The following HECTD4 variants were observed in gnomAD, a reference collection of about 807,000 sequenced individuals.
HECTD4 encodes the protein probable E3 ubiquitin-protein ligase HECTD4.
In HECTD4, 114 loss-of-function variants were observed where a neutral mutation model predicts 471.5. The observed-to-expected ratio is 0.24, with a 90% CI of 0.21 to 0.28. The LOEUF is 0.28. Among genes scored for constraint, HECTD4 ranks in the 10% least tolerant of loss-of-function variants. The pLI is 1.00. For missense variants in HECTD4, 3,866 were observed against 5,651.5 expected, an observed-to-expected ratio of 0.68 and a Z score of 10.13; for synonymous variants, 2,012 against 2,256.0, an observed-to-expected ratio of 0.89 and a Z score of 3.07.
At chr12:112,200,363 G>A (rs914379555) in intron 55 of HECTD4, among the ~76,000 whole-genome samples, 2 of 151,906 alleles carry the variant, frequency 1.3e-5, no homozygotes, top group South Asian at 2.1e-4. Flanking sequence ...CAGGTTGGCC[G>A]GGCTGGTCTC....
chr12:112,228,774 A>G lies in HECTD4; in HGVS notation c.6557T>C (p.Val2186Ala), dbSNP rs1374807867. 2 of 1,613,632 alleles carry G rather than the reference A, an allele frequency of 1.2e-6. No homozygotes were observed. Among genetic ancestry groups the G allele is most frequent in the African/African-American group, 1.3e-5 (1 of 74,912 alleles). The change falls in exon 42 of 76, where the codon GTG becomes GCG. Residue 2186 changes from valine (V) to alanine (A), a missense_variant. By Grantham distance (64) the Val-to-Ala change is moderately conservative (BLOSUM62 0). Around this residue, in one of 16 missense-constraint regions of HECTD4, gnomAD observed 617 missense variants for 915.1 expected, o/e 0.67. Transcript: ENST00000682272. This position sits in a 1 kb window ranked among gnomAD's most constrained non-coding sequence, Gnocchi z 4.9. Reference sequence around the variant, plus strand: ...ACCTTCCTGTTCATTGATAGAAGCCACTACTCCAATGCTTCCTGAAATTCC... The same window carrying G: ...ACCTTCCTGTTCATTGATAGAAGCCGCTACTCCAATGCTTCCTGAAATTCC... The part of the protein sequence containing the change: ...GRGISGSIGV[V>A]ASINEQEGIA...
At chr12:112,247,250 T>C (rs1687088043) in intron 28 of HECTD4, among the ~76,000 whole-genome samples, 174 bp from the exon 29 acceptor site, 1 of 152,230 alleles carries the variant, frequency 6.6e-6, no homozygotes, top group Non-Finnish European at 1.5e-5. Flanking sequence ...TTAGAAACTC[T>C]GGCCACTTCT....
intron 6 of HECTD4, among the ~76,000 whole-genome samples, chr12:112,306,767 G>A (rs183698759): frequency 3.4e-4 from 52 of 152,262 alleles, no homozygotes; most frequent in Middle Eastern, 6.8e-3. Context: ...GAAAAGCTGA[G>A]AAGAGGGAGA....
In HECTD4 at chr12:112,314,543, T is replaced by G. The variant is rs779254266; in HGVS notation, c.699A>C (p.Gly233=). 4.0e-6 allele frequency: 6 copies of G among 1,492,710 alleles called. No individual in the cohort carries two copies. In the South Asian group the frequency reaches 7.2e-5, roughly 18 times the overall value. The allele number at this position is 1,492,710 out of a possible 1,614,324, so 92.5% of individuals were successfully genotyped here. A position where few individuals can be genotyped will look rare whatever the true frequency, so the allele number is the denominator to read the frequency against. The part of the protein sequence containing the change: ...AALVALACAR[G]SLKTFVHTVH... ...CTGTGTGGACGAAAGTTTTCAATGATCCCCTAAAAATAAAAGGAAGGAACA... is the reference window on the plus strand; with the variant it reads ...CTGTGTGGACGAAAGTTTTCAATGAGCCCCTAAAAATAAAAGGAAGGAACA... Residue 233 remains glycine (G), a synonymous_variant, in exon 3 of 76, where the codon GGA becomes GGC. Coordinates refer to ENST00000682272, the MANE Select transcript of HECTD4 (RefSeq NM_001388303.1).
intron 8 of HECTD4, 130 bp downstream of exon 8, chr12:112,282,980 G>C: frequency 3.3e-6 from 2 of 603,436 alleles, no homozygotes; most frequent in Non-Finnish European, 5.4e-6. Flanking sequence ...GCTGGACAAT[G>C]ACTGGAAGAC....
At chr12:112,332,952 A>G (rs2035872959) in intron 1 of HECTD4, among the ~76,000 whole-genome samples, 1 of 152,164 alleles carries the variant, frequency 6.6e-6, no homozygotes, top group African/African-American at 2.4e-5. Flanking sequence ...ATGGAATCAT[A>G]TTATGTGAGG....
chr12:112,270,721 A>G (rs1286425152), intron 11 of HECTD4, among the ~76,000 whole-genome samples: 1 of 152,184 alleles, frequency 6.6e-6, no homozygotes, highest in Non-Finnish European at 1.5e-5. Flanking sequence ...AATGCTTTAC[A>G]TGGTTCTCAA....
intron 1 of HECTD4, among the ~76,000 whole-genome samples, chr12:112,370,746 C>T (rs2036650110): frequency 6.6e-6 from 1 of 151,668 alleles, no homozygotes; most frequent in South Asian, 2.1e-4. Context: ...CTGTTATTTC[C>T]GTTTTGTCAA....
At chr12:112,183,519 C>T (rs1013745781) in intron 61 of HECTD4, among the ~76,000 whole-genome samples, 5 of 152,166 alleles carry the variant, frequency 3.3e-5, no homozygotes, top group African/African-American at 1.2e-4. Flanking sequence ...TACTCTGATT[C>T]CCAGGGAGGA....
chr12:112,186,922 C>T (rs941901739), intron 60 of HECTD4, among the ~76,000 whole-genome samples: 1 of 152,056 alleles, frequency 6.6e-6, no homozygotes, highest in African/African-American at 2.4e-5. Flanking sequence ...TGTGCCTCAG[C>T]CTCCCAAAGT....
intron 1 of HECTD4, among the ~76,000 whole-genome samples, chr12:112,371,791 C>T (rs2036677437): frequency 6.8e-6 from 1 of 146,884 alleles, no homozygotes; most frequent in Non-Finnish European, 1.5e-5. Context: ...AAGGCTGAGG[C>T]AGGAGAATCG....
In HECTD4 at chr12:112,213,333, G is replaced by A. The variant is rs531162883; in HGVS notation, c.7466-683C>T. On this transcript the variant is annotated intron_variant, in intron 48 of 75. Coordinates refer to ENST00000682272, the MANE Select transcript of HECTD4 (RefSeq NM_001388303.1). The surrounding 1 kb of genome is among the most constrained non-coding windows in gnomAD (Gnocchi z 4.0). Reference sequence around the variant, plus strand: ...TGACACATGGAGGATTACTTATGACGAATAAGTAAAAAGGTATTAGTAATA... The same window carrying A: ...TGACACATGGAGGATTACTTATGACAAATAAGTAAAAAGGTATTAGTAATA... 2.0e-5 allele frequency among the ~76,000 whole-genome samples: 3 copies of A among 152,074 alleles called. No homozygotes were observed. Among genetic ancestry groups the A allele is most frequent in the East Asian group, 1.9e-4 (1 of 5,170 alleles).
In HECTD4 at chr12:112,175,864, T is replaced by C. The variant is rs1458871813; in HGVS notation, c.11471-5A>G. The C allele has an allele frequency of 6.2e-7, 1 of 1,613,090 alleles. No homozygotes were observed. The highest frequency in any genetic ancestry group is 1.3e-5 in the African/African-American group (1 of 75,052). On this transcript the variant is annotated splice_polypyrimidine_tract_variant and splice_region_variant and intron_variant, in intron 65 of 75. Coordinates refer to ENST00000682272, the MANE Select transcript of HECTD4 (RefSeq NM_001388303.1). ...TCAGGTATTTTTCCTCAGGGACTGG[T>C]GGAAAGGGTTCAGTGTGAGGAATCT...
At chr12:112,210,439 C>T (rs1437061319) in intron 49 of HECTD4, among the ~76,000 whole-genome samples, 187 bp from the exon 50 acceptor site, 2 of 152,188 alleles carry the variant, frequency 1.3e-5, no homozygotes, top group Non-Finnish European at 2.9e-5. Flanking sequence ...ACAGCCAGCC[C>T]TGCCTCCCTG....
intron 7 of HECTD4, among the ~76,000 whole-genome samples, chr12:112,298,352 A>G (rs1297092428): frequency 6.6e-6 from 1 of 152,120 alleles, no homozygotes; most frequent in Non-Finnish European, 1.5e-5. Context: ...AGCCCCTTTT[A>G]TTACACAGCA....
At chr12:112,167,155 C>A (rs1406848586) in intron 72 of HECTD4, 162 bp downstream of exon 72, 2 of 582,054 alleles carry the variant, frequency 3.4e-6, no homozygotes, top group Non-Finnish European at 5.9e-6. Context: ...GGCCTCTGTC[C>A]CCATGAAATA....
At chr12:112,284,923 C>G (rs1324783635) in intron 7 of HECTD4, among the ~76,000 whole-genome samples, 2 of 152,062 alleles carry the variant, frequency 1.3e-5, no homozygotes, top group Non-Finnish European at 1.5e-5. Flanking sequence ...CTCAATCTCC[C>G]CAGGCTCAGA....
intron 60 of HECTD4, among the ~76,000 whole-genome samples, chr12:112,190,475 A>T (rs1272671723): frequency 6.6e-6 from 1 of 151,966 alleles, no homozygotes; most frequent in Non-Finnish European, 1.5e-5. Context: ...ACCACCCTTC[A>T]CCCCTAAAGT....
At chr12:112,268,868 G>GTTTTTTTTTT (rs561805261) in intron 13 of HECTD4, among the ~76,000 whole-genome samples, 1 of 65,808 alleles carries the variant, frequency 1.5e-5, no homozygotes, top group East Asian at 7.3e-4. Context: ...GTCTGAAAAG[G>GTTTTTTTTTT]TTTTTTTTTT....
Sources: gnomAD v4.1 joint callset for allele counts (sites outside exome capture counted in the v4.1 genomes callset) on GRCh38, gnomAD v4.1.1 for gene constraint, gnomAD v4.1.1 regional missense constraint, Gnocchi (gnomAD v3.1) non-coding constraint, MANE v1.5 for transcripts, NCBI Gene and HGNC (gene_info 2026-07-23, HGNC 2026-07-21) for gene names.